The following POLR3GL variants were observed in gnomAD, a reference collection of about 807,000 sequenced individuals.
POLR3GL encodes RNA polymerase III subunit GL.
In POLR3GL, 26 loss-of-function variants were observed where a neutral mutation model predicts 32.4. The ratio of observed to expected loss-of-function variants is 0.80; its 90% confidence interval spans 0.59 to 1.11. The LOEUF (loss-of-function observed/expected upper bound fraction) is 1.11. POLR3GL is among the 50% of genes most tolerant of loss of function. POLR3GL has a pLI of 0.00. For missense variants in POLR3GL, 229 were observed against 280.1 expected (o/e 0.82, Z 1.30); for synonymous variants, 95 against 98.7 (o/e 0.96, Z 0.22).
chr1:145,968,282 A>T (rs1411884169), intron 1 of POLR3GL, among the ~76,000 whole-genome samples: 1 of 152,168 alleles, frequency 6.6e-6, no homozygotes, highest in Non-Finnish European at 1.5e-5. Context: ...CTCCCTATAG[A>T]TTCCTAAGAT....
intron 1 of POLR3GL, among the ~76,000 whole-genome samples, chr1:145,965,607 G>A (rs1553761921): frequency 6.6e-6 from 1 of 152,098 alleles, no homozygotes. Context: ...GCTGATCATA[G>A]GGAATCCTCT....
intron 2 of POLR3GL, 44 bp from the exon 3 acceptor site, chr1:145,975,263 C>T (rs1553763223): frequency 6.3e-7 from 1 of 1,592,266 alleles, no homozygotes; most frequent in Admixed American, 1.7e-5. Context: ...TAAATTTGTA[C>T]TAGCATTTTC....
At chr1:145,975,667 G>A (rs999976408) in intron 3 of POLR3GL, among the ~76,000 whole-genome samples, 8 of 152,188 alleles carry the variant, frequency 5.3e-5, no homozygotes, top group Non-Finnish European at 1.2e-4. Context: ...ACGTGTATAA[G>A]TAGGGGGATG....
intron 1 of POLR3GL, among the ~76,000 whole-genome samples, chr1:145,968,521 C>G (rs925306214): frequency 6.6e-6 from 1 of 151,956 alleles, no homozygotes. Context: ...ACTTAACCAG[C>G]TGGTTAGAAT....
intron 1 of POLR3GL, among the ~76,000 whole-genome samples, chr1:145,973,853 G>T (rs1411237301): frequency 6.6e-6 from 1 of 150,694 alleles, no homozygotes; most frequent in Admixed American, 6.6e-5. Context: ...CTTCCAAGTG[G>T]TGTTTAAAAA....
rs782260930 is a variant in POLR3GL at position 145,978,109 on chromosome 1, C to T, written c.570+13C>T. The T allele has an allele frequency of 3.2e-6, 5 of 1,581,380 alleles. No homozygotes were observed. The highest frequency in any genetic ancestry group is 4.3e-6 in the Non-Finnish European group (5 of 1,162,484). ...AGAACATGAAGAGGTGAAGGGGACT[C>T]CTTCCACCTTAGTCCCCCTCCCTTT... On this transcript the variant is annotated intron_variant, in intron 7 of 7. Transcript: ENST00000369314.
At chr1:145,973,330 T>G (rs587595208) in intron 1 of POLR3GL, among the ~76,000 whole-genome samples, 2 of 152,254 alleles carry the variant, frequency 1.3e-5, no homozygotes, top group African/African-American at 4.8e-5. Flanking sequence ...TTTAGATTCA[T>G]CAGTGTTGAT....
At chr1:145,973,691 A>G (rs1553762992) in intron 1 of POLR3GL, among the ~76,000 whole-genome samples, 3 of 149,608 alleles carry the variant, frequency 2.0e-5, no homozygotes, top group African/African-American at 7.4e-5. Flanking sequence ...CAGCCTGGGC[A>G]ACAAAGTGAG....
chr1:145,977,194 G>T (rs1553763564), intron 4 of POLR3GL, 42 bp downstream of exon 4: 1 of 1,515,494 alleles, frequency 6.6e-7, no homozygotes, highest in Non-Finnish European at 9.2e-7. Flanking sequence ...TCTTTCAAAT[G>T]CATGGGATGC....
At chr1:145,969,513 C>T (rs972619637) in intron 1 of POLR3GL, among the ~76,000 whole-genome samples, 4 of 150,028 alleles carry the variant, frequency 2.7e-5, no homozygotes, top group African/African-American at 4.9e-5. Flanking sequence ...CCACCTGCCT[C>T]GGCCTCCCAA....
At chr1:145,970,227 C>T (rs981849301) in intron 1 of POLR3GL, among the ~76,000 whole-genome samples, 4 of 152,238 alleles carry the variant, frequency 2.6e-5, no homozygotes, top group African/African-American at 7.2e-5. Context: ...TCACTGAATC[C>T]TCTTATCTCC....
In POLR3GL at chr1:145,964,708, G is replaced by A. The variant is rs1203493039; in HGVS notation, c.-102G>A. The A allele has an allele frequency of 1.3e-5, 2 of 152,246 alleles. No homozygotes were observed. Among genetic ancestry groups the A allele is most frequent in the African/African-American group, 4.8e-5 (2 of 41,446 alleles). 9.4% of individuals were successfully genotyped at this position (152,246 alleles called of 1,614,324 possible). On this transcript the variant is annotated 5_prime_UTR_variant, in exon 1 of 8. Coordinates refer to ENST00000369314, the MANE Select transcript of POLR3GL (RefSeq NM_032305.3). ...CGGGCTTAGAACGCCACCGACTTGA[G>A]GAAGCCCAGTACATTTCAAGTTGGT...
rs185231133 is a variant in POLR3GL, at chr1:145,978,488, A to G, written c.*41A>G. 1 of 1,207,940 alleles carries G rather than the reference A, an allele frequency of 8.3e-7. No individual in the cohort carries two copies. Among genetic ancestry groups the G allele is most frequent in the East Asian group, 2.3e-5 (1 of 43,126 alleles). 74.8% of individuals were successfully genotyped at this position (1,207,940 alleles called of 1,614,324 possible). A position where few individuals can be genotyped will look rare whatever the true frequency, so the allele number is the denominator to read the frequency against. On this transcript the variant is annotated 3_prime_UTR_variant, in exon 8 of 8. Coordinates refer to ENST00000369314, the MANE Select transcript of POLR3GL (RefSeq NM_032305.3). Reference sequence around the variant, plus strand: ...CCTCGTGTCTTTCTTTAGGATACAGAGAGTAACTGTACCTATTATTTGTTT... The same window carrying G: ...CCTCGTGTCTTTCTTTAGGATACAGGGAGTAACTGTACCTATTATTTGTTT...
chr1:145,970,984 G>T (rs1650261884), intron 1 of POLR3GL, among the ~76,000 whole-genome samples: 1 of 148,234 alleles, frequency 6.7e-6, no homozygotes, highest in Admixed American at 6.9e-5. Context: ...GGGAGGTGGA[G>T]ACCAGCCTGA....
chr1:145,972,546 T>C (rs1650369365), intron 1 of POLR3GL, among the ~76,000 whole-genome samples: 1 of 152,200 alleles, frequency 6.6e-6, no homozygotes. Context: ...ATATTTATCT[T>C]ATACTTTGGG....
intron 1 of POLR3GL, among the ~76,000 whole-genome samples, chr1:145,974,094 G>A (rs587722900): frequency 1.5e-4 from 23 of 150,136 alleles, no homozygotes; most frequent in African/African-American, 4.7e-4. Flanking sequence ...ATCACACCAC[G>A]GCACTCCAGC....
At chr1:145,967,414 G>T (rs1650088713) in intron 1 of POLR3GL, among the ~76,000 whole-genome samples, 1 of 152,076 alleles carries the variant, frequency 6.6e-6, no homozygotes. Context: ...GGCCTCAAGT[G>T]ATCTGTCCAC....
Position 145,977,988 on chromosome 1 carries a change from G to A in POLR3GL, c.462G>A (p.Leu154=). 1 of 1,613,652 alleles carries A rather than the reference G, an allele frequency of 6.2e-7. No homozygotes were observed. The highest frequency in any genetic ancestry group is 8.5e-7 in the Non-Finnish European group (1 of 1,179,718). The stretch of plus-strand genomic sequence containing the variant: ...CCTATTCATCCCCACATGAGACCCT[G>A]GAGAAGAAGGAAGAAGAAGTAACTT... ...KEETIQKLET[L]EKKEEEVTSE... is the part of the protein sequence containing the mutation. The change falls in exon 7 of 8, where the codon CTG becomes CTA. Residue 154 remains leucine (L), a synonymous_variant. Coordinates refer to ENST00000369314, the MANE Select transcript of POLR3GL (RefSeq NM_032305.3).
At chr1:145,972,146 C>T (rs1385643671) in intron 1 of POLR3GL, among the ~76,000 whole-genome samples, 2 of 150,066 alleles carry the variant, frequency 1.3e-5, no homozygotes, top group Non-Finnish European at 3.0e-5. Flanking sequence ...TTTGGGAGGC[C>T]GAGGTGGGTG....
Sources: gnomAD v4.1 joint callset for allele counts (sites outside exome capture counted in the v4.1 genomes callset) on GRCh38, gnomAD v4.1.1 for gene constraint, MANE v1.5 for transcripts, NCBI Gene and HGNC (gene_info 2026-07-23, HGNC 2026-07-21) for gene names.